PCDHA4: variants seen among roughly 807,000 people sequenced by gnomAD.
PCDHA4 encodes the protein protocadherin alpha 4, also known as protocadherin alpha-4.
Under a neutral mutation model 61.4 loss-of-function variants are expected in PCDHA4, and 49 were observed. The ratio of observed to expected loss-of-function variants is 0.80; its 90% CI spans 0.63 to 1.01. The LOEUF (loss-of-function observed/expected upper bound fraction) is 1.01, where lower values mean the gene tolerates loss of function less well. PCDHA4 is among the 50% of genes least tolerant of loss of function. The pLI is 0.00. For missense variants in PCDHA4, 1,254 were observed against 1,235.8 expected (o/e 1.01, Z -0.22); for synonymous variants, 590 against 550.3 (o/e 1.07, Z -1.01).
intron 1 of PCDHA4, chr5:140,866,167 CAT>C (rs1328596564): frequency 7.9e-5 from 12 of 152,072 alleles, no homozygotes; most frequent in African/African-American, 2.9e-4. Flanking sequence ...AATCGTTTAA[CAT>C]GTAAGAAAAG....
chr5:140,928,276 GC>G, intron 1 of PCDHA4: 1 of 1,614,172 alleles, frequency 6.2e-7, no homozygotes. Flanking sequence ...TGGCCCTGGG[GC>G]CTCTCTAGGC....
rs369562052 is a variant in PCDHA4, at chr5:140,877,058, A to G, written c.2385+67486A>G. On this transcript the variant is annotated intron_variant, in intron 1 of 3. Transcript: ENST00000530339. Reference sequence around the variant, plus strand: ...CAGCCGCTAGACCACGAGGAGCTGGAGCTGCTGCAGTTCCAGGTGAGCGCG... The same window carrying G: ...CAGCCGCTAGACCACGAGGAGCTGGGGCTGCTGCAGTTCCAGGTGAGCGCG... The G allele has an allele frequency of 1.9e-6, 3 of 1,612,726 alleles. No homozygotes were observed. The African/African-American group carries it at 4.0e-5, about 22-fold the overall frequency.
chr5:140,836,651 G>A (rs1774653437), intron 1 of PCDHA4: 1 of 1,613,546 alleles, frequency 6.2e-7, no homozygotes, highest in East Asian at 2.2e-5. Flanking sequence ...AGAGGCGGCA[G>A]AGGGTGTGCT....
chr5:140,897,361 G>A (rs1455815825), intron 1 of PCDHA4, among the ~76,000 whole-genome samples: 1 of 123,218 alleles, frequency 8.1e-6, no homozygotes, highest in Non-Finnish European at 1.6e-5. Context: ...TGTCCCCAGA[G>A]TGTGATGTTC....
intron 1 of PCDHA4, among the ~76,000 whole-genome samples, chr5:140,977,051 G>T (rs2096743579): frequency 6.6e-6 from 1 of 152,178 alleles, no homozygotes; most frequent in South Asian, 2.1e-4. Flanking sequence ...GTTGCTGATG[G>T]ACTAGTATAG....
intron 1 of PCDHA4, among the ~76,000 whole-genome samples, chr5:140,919,522 C>CT (rs1554199133): frequency 6.6e-6 from 1 of 152,000 alleles, no homozygotes; most frequent in African/African-American, 2.4e-5. Context: ...TTTTAATTCT[C>CT]TTTTTTTCCT....
chr5:140,895,442 C>T (rs2065008027), intron 1 of PCDHA4, among the ~76,000 whole-genome samples: 1 of 152,148 alleles, frequency 6.6e-6, no homozygotes. Context: ...AGACTCTTTT[C>T]ATGTGCTTAT....
chr5:140,920,853 A>G (rs375783359), intron 1 of PCDHA4, among the ~76,000 whole-genome samples: 2 of 152,062 alleles, frequency 1.3e-5, no homozygotes, highest in Non-Finnish European at 2.9e-5. Context: ...AAAAAAAAAA[A>G]AAAAACAAAC....
intron 1 of PCDHA4, among the ~76,000 whole-genome samples, chr5:140,945,046 A>G (rs2093731107): frequency 2.0e-5 from 3 of 152,190 alleles, no homozygotes; most frequent in Non-Finnish European, 2.9e-5. Flanking sequence ...TTGGTCTTAT[A>G]TAAAGAAAAC....
chr5:140,829,574 G>A (rs2150170425), intron 1 of PCDHA4: 4 of 1,612,448 alleles, frequency 2.5e-6, no homozygotes, highest in Non-Finnish European at 3.4e-6. Context: ...CTACTCGCTG[G>A]TGGAGCGGCG....
At chr5:140,976,970 C>A (rs1294728864) in intron 1 of PCDHA4, among the ~76,000 whole-genome samples, 3 of 152,140 alleles carry the variant, frequency 2.0e-5, no homozygotes, top group African/African-American at 7.2e-5. Context: ...CTTTCCTTTT[C>A]CCTGCCTGAT....
intron 1 of PCDHA4, chr5:140,841,864 T>C (rs1554138599): frequency 3.1e-6 from 5 of 1,613,852 alleles, no homozygotes; most frequent in Non-Finnish European, 4.2e-6. Flanking sequence ...TCATGCTAGA[T>C]GTGAATTCAA....
chr5:140,850,240 T>G, intron 1 of PCDHA4: 1 of 1,593,446 alleles, frequency 6.3e-7, no homozygotes, highest in East Asian at 2.2e-5. Flanking sequence ...GAGATGGTGC[T>G]GCGGTCGGTG....
intron 1 of PCDHA4, among the ~76,000 whole-genome samples, chr5:140,901,940 T>A (rs1444811552): frequency 6.6e-6 from 1 of 152,172 alleles, no homozygotes; most frequent in Non-Finnish European, 1.5e-5. Context: ...CCTAGGTATA[T>A]TTAGTTTTAT....
intron 1 of PCDHA4, chr5:140,842,710 C>A: frequency 1.3e-6 from 2 of 1,595,124 alleles, no homozygotes; most frequent in Non-Finnish European, 1.7e-6. Context: ...ACACGGTGTT[C>A]GTGAAGGAGA....
rs782361286 is a variant in PCDHA4, at chr5:140,876,924, G to T, written c.2385+67352G>T. The T allele has an allele frequency of 4.3e-6, 7 of 1,613,704 alleles. No individual in the cohort carries two copies. The African/African-American group carries it at 5.3e-5, about 12-fold the overall frequency. The stretch of plus-strand genomic sequence containing the variant: ...CGGTGTCGGCATGGGACGCGGACGC[G>T]CAGAAGAACGCGCTGGTGTCCTACT... On this transcript the variant is annotated intron_variant, in intron 1 of 3. Coordinates refer to ENST00000530339, the MANE Select transcript of PCDHA4 (RefSeq NM_018907.4).
intron 1 of PCDHA4, chr5:140,871,653 C>T: frequency 1.6e-6 from 2 of 1,244,250 alleles, no homozygotes; most frequent in Non-Finnish European, 2.2e-6. Flanking sequence ...CCAAATGATA[C>T]ACATCTTCAG....
At chr5:140,919,653 C>T (rs917457975) in intron 1 of PCDHA4, among the ~76,000 whole-genome samples, 1 of 152,158 alleles carries the variant, frequency 6.6e-6, no homozygotes, top group South Asian at 2.1e-4. Context: ...CTAGAGTTTA[C>T]CATATATATT....
chr5:140,842,051 CAGTCTGAATACGAA>C (rs1777673706), intron 1 of PCDHA4: 1 of 1,613,852 alleles, frequency 6.2e-7, no homozygotes, highest in African/African-American at 1.3e-5. Context: ...CACTTTCGAA[CAGTCTGAATACGAA>C]GTAAGAATAT....
Sources: gnomAD v4.1 joint callset for allele counts (sites outside exome capture counted in the v4.1 genomes callset) on GRCh38, gnomAD v4.1.1 for gene constraint, MANE v1.5 for transcripts, NCBI Gene and HGNC (gene_info 2026-07-23, HGNC 2026-07-21) for gene names.